CDC42EP2: variants seen among roughly 807,000 people sequenced by gnomAD.
CDC42EP2 encodes CDC42 effector protein 2.
CDC42EP2 carries 5 observed loss-of-function variants against 7.3 expected under a neutral mutation model. The observed-to-expected ratio is 0.68, with a 90% CI of 0.36 to 1.44. The LOEUF (loss-of-function observed/expected upper bound fraction) is 1.44. CDC42EP2 is among the 40% of genes most tolerant of loss of function. The pLI is 0.04. For synonymous variants in CDC42EP2, 113 were observed against 123.6 expected (o/e 0.91, Z 0.57); for missense variants, 251 against 282.6 (o/e 0.89, Z 0.80).
Position 65,321,279 on chromosome 11 carries a change from A to G in CDC42EP2, c.381A>G (p.Pro127=). ...QALTLPTAQA[P]PKPPRLHLET... ...TCACCCTGCCCACAGCCCAGGCTCCACCCAAGCCCCCTCGCCTGCACCTGG... is the reference window on the plus strand; with the variant it reads ...TCACCCTGCCCACAGCCCAGGCTCCGCCCAAGCCCCCTCGCCTGCACCTGG... The change falls in exon 2 of 2, where the codon CCA becomes CCG. Residue 127 remains proline (P), a synonymous_variant. Coordinates refer to ENST00000279249, the MANE Select transcript of CDC42EP2 (RefSeq NM_006779.4). The surrounding 1 kb of genome is among the most constrained non-coding windows in gnomAD (Gnocchi z 4.4). 1 of 1,613,396 alleles carries G rather than the reference A, an allele frequency of 6.2e-7. No homozygotes were observed. Among genetic ancestry groups the G allele is most frequent in the Non-Finnish European group, 8.5e-7 (1 of 1,179,834 alleles).
Position 65,321,889 on chromosome 11 carries a change from C to T in CDC42EP2, c.*358C>T. Reference sequence around the variant, plus strand: ...CCTTCTGCCTCTGCCCCGTTGGATGCCCTGACTGGGGGCAGGGGAAGAGAC... The same window carrying T: ...CCTTCTGCCTCTGCCCCGTTGGATGTCCTGACTGGGGGCAGGGGAAGAGAC... On this transcript the variant is annotated 3_prime_UTR_variant, in exon 2 of 2. Coordinates refer to ENST00000279249, the MANE Select transcript of CDC42EP2 (RefSeq NM_006779.4). The surrounding 1 kb of genome is among the most constrained non-coding windows in gnomAD (Gnocchi z 4.4). 4.5e-6 allele frequency: 1 copy of T among 223,588 alleles called. No individual in the cohort carries two copies. The highest frequency in any genetic ancestry group is 9.8e-6 in the Non-Finnish European group (1 of 102,210). The allele number at this position is 223,588 out of a possible 1,614,324, so 13.9% of individuals were successfully genotyped here. A position where few individuals can be genotyped will look rare whatever the true frequency, so the allele number is the denominator to read the frequency against.
Position 65,321,801 on chromosome 11 carries a change from A to C in CDC42EP2, c.*270A>C. The C allele has an allele frequency of 2.8e-5, 11 of 388,696 alleles. No individual in the cohort carries two copies. The highest frequency in any genetic ancestry group is 6.3e-5 in the South Asian group (1 of 15,762). 24.1% of individuals were successfully genotyped at this position (388,696 alleles called of 1,614,324 possible). Reference sequence around the variant, plus strand: ...TGGGGCACCTGGACCCCATCACAATACTCCTTCTTCCTTCAGGTCCCTGGG... The same window carrying C: ...TGGGGCACCTGGACCCCATCACAATCCTCCTTCTTCCTTCAGGTCCCTGGG... On this transcript the variant is annotated 3_prime_UTR_variant, in exon 2 of 2. Coordinates refer to ENST00000279249, the MANE Select transcript of CDC42EP2 (RefSeq NM_006779.4). The surrounding 1 kb of genome is among the most constrained non-coding windows in gnomAD (Gnocchi z 4.4).
At chr11:65,319,573 T>C (rs1186042888) in intron 1 of CDC42EP2, among the ~76,000 whole-genome samples, 1 of 152,066 alleles carries the variant, frequency 6.6e-6, no homozygotes, top group Non-Finnish European at 1.5e-5. Context: ...CACTCCACCT[T>C]CTCTTTAGAT....
Position 65,321,238 on chromosome 11 carries a change from G to A in CDC42EP2, c.340G>A (p.Gly114Ser), listed in dbSNP as rs201091669. 86 of 1,613,798 alleles carry A rather than the reference G, an allele frequency of 5.3e-5. 1 individual carries two copies. The Admixed American group carries it at 7.7e-4, about 14-fold the overall frequency. The change falls in exon 2 of 2, where the codon GGT (glycine) becomes AGT (serine). Residue 114 changes from glycine (G) to serine (S), a missense_variant. Gly to Ser is a moderately conservative substitution (Grantham distance 56). Coordinates refer to ENST00000279249, the MANE Select transcript of CDC42EP2 (RefSeq NM_006779.4). The surrounding 1 kb of genome is among the most constrained non-coding windows in gnomAD (Gnocchi z 4.4). ...GAACGCCATCTCCCTCCCGGTTATCGGTGGACCCCAGGCTCTCACCCTGCC... is the reference window on the plus strand; with the variant it reads ...GAACGCCATCTCCCTCCCGGTTATCAGTGGACCCCAGGCTCTCACCCTGCC... ...LKNAISLPVI[G>S]GPQALTLPTA...
At chr11:65,318,762 G>T (rs537843689) in intron 1 of CDC42EP2, among the ~76,000 whole-genome samples, 2 of 150,798 alleles carry the variant, frequency 1.3e-5, no homozygotes, top group African/African-American at 2.4e-5. Context: ...TAGAGATGGG[G>T]TCTCCACATG....
chr11:65,319,785 T>C (rs1394796478), intron 1 of CDC42EP2, among the ~76,000 whole-genome samples: 32 of 152,146 alleles, frequency 2.1e-4, no homozygotes, highest in Admixed American at 2.1e-3. Context: ...GGAGAGACAG[T>C]GGTCACAAAG....
Position 65,321,690 on chromosome 11 carries a change from T to A in CDC42EP2, c.*159T>A. The A allele has an allele frequency of 1.5e-6, 1 of 687,008 alleles. No homozygotes were observed. The highest frequency in any genetic ancestry group is 2.5e-6 in the Non-Finnish European group (1 of 402,302). The allele number at this position is 687,008 out of a possible 1,614,324, so 42.6% of individuals were successfully genotyped here. On this transcript the variant is annotated 3_prime_UTR_variant, in exon 2 of 2. Coordinates refer to ENST00000279249, the MANE Select transcript of CDC42EP2 (RefSeq NM_006779.4). The surrounding 1 kb of genome is among the most constrained non-coding windows in gnomAD (Gnocchi z 4.4). ...GCCGTGTTTCCCCTCTCCCTCCCTC[T>A]CCACGTGGGCAGGGCAGGCCCCATC...
chr11:65,320,803 T>G lies in CDC42EP2; in HGVS notation c.-96T>G, dbSNP rs1463498058. 2 of 1,368,474 alleles carry G rather than the reference T, an allele frequency of 1.5e-6. No homozygotes were observed. Among genetic ancestry groups the G allele is most frequent in the Non-Finnish European group, 2.0e-6 (2 of 1,008,164 alleles). 84.8% of individuals were successfully genotyped at this position (1,368,474 alleles called of 1,614,324 possible). A position where few individuals can be genotyped will look rare whatever the true frequency, so the allele number is the denominator to read the frequency against. Reference sequence around the variant, plus strand: ...GCTCTGGCACCTGCAAACCACCCCGTGGAACGAGTGTTTCCTCTGGCTGAG... The same window carrying G: ...GCTCTGGCACCTGCAAACCACCCCGGGGAACGAGTGTTTCCTCTGGCTGAG... On this transcript the variant is annotated 5_prime_UTR_variant, in exon 2 of 2. Transcript: ENST00000279249.
intron 1 of CDC42EP2, among the ~76,000 whole-genome samples, chr11:65,316,531 C>T (rs1241516608): frequency 6.6e-6 from 1 of 152,174 alleles, no homozygotes; most frequent in Non-Finnish European, 1.5e-5. Flanking sequence ...TGGAAGTAGG[C>T]GTGGCCCACT....
At position 65,315,591 on chromosome 11, in the gene CDC42EP2, C is replaced by G. The variant is rs2137651928; in HGVS notation, c.-356+637C>G. Among the ~76,000 whole-genome samples the G allele has an allele frequency of 6.6e-6, 1 of 152,350 alleles. No homozygotes were observed. The highest frequency in any genetic ancestry group is 6.5e-5 in the Admixed American group (1 of 15,306). On this transcript the variant is annotated intron_variant, in intron 1 of 1. Coordinates refer to ENST00000279249, the MANE Select transcript of CDC42EP2 (RefSeq NM_006779.4). The surrounding 1 kb of genome is among the most constrained non-coding windows in gnomAD (Gnocchi z 4.1). ...TCCCCGATTGTGGGACCAGAAACCC[C>G]GAAGCAAAAAGATCTCGCAGGTAAT...
intron 1 of CDC42EP2, chr11:65,317,069 A>G (rs1222205130): frequency 2.6e-5 from 4 of 152,420 alleles, no homozygotes; most frequent in African/African-American, 9.6e-5. Flanking sequence ...GTTTGTCAGC[A>G]TGGCCCCCAG....
intron 1 of CDC42EP2, among the ~76,000 whole-genome samples, chr11:65,318,548 C>T (rs1411816851): frequency 2.6e-5 from 4 of 151,912 alleles, no homozygotes; most frequent in South Asian, 2.1e-4. Context: ...CTCAGCCTTC[C>T]GAGTAGCTGG....
chr11:65,320,868 C>A lies in CDC42EP2; in HGVS notation c.-31C>A. The stretch of plus-strand genomic sequence containing the variant: ...TGTGGTCTCAGCAGGCGGCCCGTAG[C>A]CTCACAGCCAGGCCTGGTGGTGAGG... On this transcript the variant is annotated 5_prime_UTR_variant, in exon 2 of 2. Coordinates refer to ENST00000279249, the MANE Select transcript of CDC42EP2 (RefSeq NM_006779.4). 6.4e-7 allele frequency: 1 copy of A among 1,571,428 alleles called. No homozygotes were observed.
intron 1 of CDC42EP2, chr11:65,317,107 G>A (rs1191867870): frequency 6.6e-6 from 1 of 152,310 alleles, no homozygotes; most frequent in East Asian, 1.9e-4. Context: ...CAGGATGAAT[G>A]CGTGACGGGA....
rs1468893505 is a variant in CDC42EP2 at position 65,315,145 on chromosome 11, T to C, written c.-356+191T>C. ...GCAGCCTCGCCCGTGCCCGCCACGG[T>C]CCGTGGGGGCGCAACGCATCCCGAC... On this transcript the variant is annotated intron_variant, in intron 1 of 1. Transcript: ENST00000279249. This position sits in a 1 kb window ranked among gnomAD's most constrained non-coding sequence, Gnocchi z 4.1. Among the ~76,000 whole-genome samples the C allele has an allele frequency of 2.0e-5, 3 of 152,044 alleles. No homozygotes were observed. Among genetic ancestry groups the C allele is most frequent in the African/African-American group, 7.2e-5 (3 of 41,406 alleles).
chr11:65,317,916 A>G (rs1222858627), intron 1 of CDC42EP2, among the ~76,000 whole-genome samples: 1 of 151,970 alleles, frequency 6.6e-6, no homozygotes, highest in Non-Finnish European at 1.5e-5. Context: ...TATTACACAC[A>G]TTTATCATGT....
At position 65,314,938 on chromosome 11, in the gene CDC42EP2, C is replaced by T. The variant is rs1043412435; in HGVS notation, c.-372C>T. On this transcript the variant is annotated 5_prime_UTR_variant, in exon 1 of 2. Coordinates refer to ENST00000279249, the MANE Select transcript of CDC42EP2 (RefSeq NM_006779.4). Reference sequence around the variant, plus strand: ...GAGACCTTGCTGTCCGCCGGTCTGCCGTCTGCGCGCCTCACGGTGAGTTCG... The same window carrying T: ...GAGACCTTGCTGTCCGCCGGTCTGCTGTCTGCGCGCCTCACGGTGAGTTCG... The T allele has an allele frequency of 6.6e-6, 1 of 152,286 alleles. No individual in the cohort carries two copies. The highest frequency in any genetic ancestry group is 2.1e-4 in the South Asian group (1 of 4,838). The allele number at this position is 152,286 out of a possible 1,614,324, so 9.4% of individuals were successfully genotyped here. A position where few individuals can be genotyped will look rare whatever the true frequency, so the allele number is the denominator to read the frequency against.
At chr11:65,316,670 A>G (rs1467632286) in intron 1 of CDC42EP2, among the ~76,000 whole-genome samples, 2 of 152,122 alleles carry the variant, frequency 1.3e-5, no homozygotes, top group Non-Finnish European at 2.9e-5. Context: ...TGACCCCACC[A>G]TGCCGTGACT....
chr11:65,319,924 G>A (rs536053813), intron 1 of CDC42EP2, among the ~76,000 whole-genome samples: 12 of 152,318 alleles, frequency 7.9e-5, no homozygotes, highest in African/African-American at 2.9e-4. Flanking sequence ...CTGGATAAGG[G>A]TGATGAGACC....
Sources: gnomAD v4.1 joint callset for allele counts (sites outside exome capture counted in the v4.1 genomes callset) on GRCh38, gnomAD v4.1.1 for gene constraint, Gnocchi (gnomAD v3.1) non-coding constraint, MANE v1.5 for transcripts, NCBI Gene and HGNC (gene_info 2026-07-23, HGNC 2026-07-21) for gene names.